PDZK1: variants seen among roughly 807,000 people sequenced by gnomAD.
PDZK1 encodes the protein Na(+)/H(+) exchange regulatory cofactor NHE-RF3.
A neutral mutation model predicts 38.1 loss-of-function variants in PDZK1; 23 were observed. That is an observed-to-expected ratio of 0.60 (90% CI 0.43 to 0.85). PDZK1 has a LOEUF of 0.85. PDZK1 is among the 40% of genes least tolerant of loss of function. The pLI is 0.00. For synonymous variants in PDZK1, 98 were observed against 186.2 expected, an observed-to-expected ratio of 0.53 and a Z score of 3.86; for missense variants, 297 against 504.3, an observed-to-expected ratio of 0.59 and a Z score of 3.94.
In PDZK1 at chr1:145,672,601, G is replaced by A. The variant is rs1216528396; in HGVS notation, c.1506+129C>T. 16 of 1,215,174 alleles carry A rather than the reference G, an allele frequency of 1.3e-5. No individual in the cohort carries two copies. In the East Asian group the frequency reaches 3.8e-4, roughly 29 times the overall value. The allele number at this position is 1,215,174 out of a possible 1,614,324, so 75.3% of individuals were successfully genotyped here. ...TCCTCTACAATAACTTGATTTGTTAGTTATCTTTACATTTTCATTTTCTAG... is the reference window on the plus strand; with the variant it reads ...TCCTCTACAATAACTTGATTTGTTAATTATCTTTACATTTTCATTTTCTAG... On this transcript the variant is annotated intron_variant, in intron 8 of 8. Coordinates refer to ENST00000417171, the MANE Select transcript of PDZK1 (RefSeq NM_001201325.2).
chr1:145,704,092 G>A (rs587604362), intron 1 of PDZK1, among the ~76,000 whole-genome samples: 6 of 137,902 alleles, frequency 4.4e-5, no homozygotes, highest in African/African-American at 1.7e-4. Context: ...GCCTCCCAAA[G>A]TGCTGGGATT....
chr1:145,704,783 C>A (rs137866220), intron 1 of PDZK1, among the ~76,000 whole-genome samples: 1 of 152,176 alleles, frequency 6.6e-6, no homozygotes, highest in Non-Finnish European at 1.5e-5. Flanking sequence ...CCCTATGCAA[C>A]GAATGCAAGA....
chr1:145,677,130 G>A (rs1349875634), intron 6 of PDZK1, among the ~76,000 whole-genome samples: 3 of 152,200 alleles, frequency 2.0e-5, no homozygotes, highest in Non-Finnish European at 4.4e-5. Context: ...CCAAGTGTCT[G>A]TCAGTTAATT....
At chr1:145,689,025 C>G (rs1553702589) in intron 1 of PDZK1, among the ~76,000 whole-genome samples, 1 of 152,114 alleles carries the variant, frequency 6.6e-6, no homozygotes, top group African/African-American at 2.4e-5. Flanking sequence ...AAAGGCTGTT[C>G]TGGCCCCTGA....
intron 1 of PDZK1, among the ~76,000 whole-genome samples, chr1:145,690,330 G>T (rs1553702888): frequency 1.3e-5 from 2 of 151,900 alleles, no homozygotes; most frequent in African/African-American, 4.8e-5. Flanking sequence ...CATTTCATAG[G>T]GCCAAAAGAC....
intron 1 of PDZK1, among the ~76,000 whole-genome samples, chr1:145,705,058 G>C (rs587750707): frequency 6.6e-6 from 1 of 152,134 alleles, no homozygotes; most frequent in Non-Finnish European, 1.5e-5. Context: ...CAGTCTTGAA[G>C]CTTAACATCT....
chr1:145,671,768 G>A, intron 8 of PDZK1: 2 of 351,466 alleles, frequency 5.7e-6, no homozygotes, highest in Non-Finnish European at 1.1e-5. Flanking sequence ...TCAACTTGCT[G>A]TTTGACACAT....
intron 3 of PDZK1, among the ~76,000 whole-genome samples, chr1:145,683,643 G>A (rs1250188664): frequency 6.6e-6 from 1 of 152,102 alleles, no homozygotes; most frequent in Non-Finnish European, 1.5e-5. Context: ...GACCCCCAGT[G>A]GAGGCCTGAA....
rs782002726 is a variant in PDZK1, at chr1:145,682,560, G to C, written c.537C>G (p.His179Gln). The part of the protein sequence containing the change: ...AMRAGVLADD[H>Q]LIEVNGENVE... ...CATTCTCTCCATTCACTTCAATCAA[G>C]TGATCATCAGCCAGAACTCCAGCTC... Residue 179 changes from histidine (H) to glutamine (Q), a missense_variant, in exon 4 of 9, where the codon CAC (histidine) becomes CAG (glutamine). Physicochemically the swap from His to Gln is conservative, Grantham distance 24 (BLOSUM62 0). This residue lies in a region of PDZK1 where 35 missense variants were observed against 73.9 expected (regional missense o/e 0.47). Transcript: ENST00000417171. The C allele has an allele frequency of 5.6e-6, 9 of 1,610,824 alleles. No individual in the cohort carries two copies. The South Asian group carries it at 9.9e-5, about 18-fold the overall frequency.
intron 6 of PDZK1, chr1:145,676,126 A>G: frequency 1.1e-6 from 1 of 909,094 alleles, no homozygotes; most frequent in Non-Finnish European, 1.3e-6. Flanking sequence ...TATCTCAAAG[A>G]TCTACCCTCC....
chr1:145,700,648 C>T (rs587594459), intron 1 of PDZK1, among the ~76,000 whole-genome samples: 2 of 152,244 alleles, frequency 1.3e-5, no homozygotes, highest in South Asian at 2.1e-4. Context: ...CTGTCACCAG[C>T]GATGGCCAGA....
intron 4 of PDZK1, among the ~76,000 whole-genome samples, chr1:145,682,241 T>TA (rs1654333860): frequency 1.7e-5 from 1 of 59,602 alleles, no homozygotes; most frequent in East Asian, 4.4e-4. Context: ...CCCAATCAGA[T>TA]ACAAACAAGA....
At chr1:145,683,746 T>TC (rs1203577895) in intron 3 of PDZK1, among the ~76,000 whole-genome samples, 1 of 152,150 alleles carries the variant, frequency 6.6e-6, no homozygotes, top group Non-Finnish European at 1.5e-5. Flanking sequence ...CAGTAAGAGA[T>TC]TAACAATAAC....
intron 1 of PDZK1, among the ~76,000 whole-genome samples, chr1:145,693,591 C>T (rs1289835231): frequency 5.9e-5 from 9 of 151,806 alleles, no homozygotes; most frequent in African/African-American, 1.2e-4. Flanking sequence ...TGGCTAACAC[C>T]GTGAAACCCC....
chr1:145,674,773 C>T (rs1454893279), intron 6 of PDZK1, among the ~76,000 whole-genome samples: 1 of 152,102 alleles, frequency 6.6e-6, no homozygotes, highest in Admixed American at 6.6e-5. Flanking sequence ...TCTCAGCCTC[C>T]ATAATCATAC....
At chr1:145,695,013 G>T (rs1655544836) in intron 1 of PDZK1, among the ~76,000 whole-genome samples, 1 of 151,746 alleles carries the variant, frequency 6.6e-6, no homozygotes, top group Non-Finnish European at 1.5e-5. Context: ...TCAAAAATTA[G>T]GCAGGACTTG....
chr1:145,671,347 A>C lies in PDZK1; in HGVS notation c.*89T>G, dbSNP rs1186170845. The C allele has an allele frequency of 1.2e-6, 2 of 1,600,536 alleles. No homozygotes were observed. Among genetic ancestry groups the C allele is most frequent in the Non-Finnish European group, 1.7e-6 (2 of 1,172,818 alleles). ...TTTTTCTTCTAAAGAGACAGTAAAC[A>C]GGTCACAACTCATTCCTTGAGAAAG... On this transcript the variant is annotated 3_prime_UTR_variant, in exon 9 of 9. Coordinates refer to ENST00000417171, the MANE Select transcript of PDZK1 (RefSeq NM_001201325.2).
intron 1 of PDZK1, among the ~76,000 whole-genome samples, chr1:145,689,230 C>T (rs587700852): frequency 6.6e-6 from 1 of 152,286 alleles, no homozygotes; most frequent in South Asian, 2.1e-4. Flanking sequence ...GCTACAGGCA[C>T]ATATCACTAT....
intron 1 of PDZK1, among the ~76,000 whole-genome samples, chr1:145,699,322 G>A (rs1279237592): frequency 6.6e-6 from 1 of 151,928 alleles, no homozygotes; most frequent in African/African-American, 2.4e-5. Context: ...GGAGGCTGAG[G>A]CACAGGAATC....
Sources: allele counts gnomAD v4.1 joint callset (sites outside exome capture counted in the v4.1 genomes callset), GRCh38; gene constraint gnomAD v4.1.1; regional missense constraint gnomAD v4.1.1; transcripts MANE v1.5; gene names NCBI Gene and HGNC (gene_info 2026-07-23, HGNC 2026-07-21).